DCHS2: variants seen among roughly 807,000 people sequenced by gnomAD.
The protein encoded by DCHS2 is dachsous cadherin-related 2.
A neutral mutation model predicts 182.4 loss-of-function variants in DCHS2; 142 were observed. The ratio of observed to expected loss-of-function variants is 0.78; its 90% CI spans 0.68 to 0.89. The LOEUF is 0.89. Among genes scored for constraint, DCHS2 ranks in the 40% least tolerant of loss-of-function variants. DCHS2 has a pLI of 0.00. For missense variants in DCHS2, 4,319 were observed against 4,198.6 expected (o/e 1.03, Z -0.79); for synonymous variants, 1,740 against 1,663.3 (o/e 1.05, Z -1.12).
chr4:154,457,558 C>A (rs772911775), intron 1 of DCHS2, among the ~76,000 whole-genome samples: 2 of 152,200 alleles, frequency 1.3e-5, no homozygotes, highest in Non-Finnish European at 2.9e-5. Flanking sequence ...CCAAAACAGC[C>A]ATGCAAATTT....
chr4:154,411,158 C>T (rs1732614707), intron 1 of DCHS2, among the ~76,000 whole-genome samples: 1 of 152,128 alleles, frequency 6.6e-6, no homozygotes, highest in Non-Finnish European at 1.5e-5. Flanking sequence ...TGCATGATCT[C>T]ACTTATATGC....
intron 1 of DCHS2, among the ~76,000 whole-genome samples, chr4:154,437,905 C>T (rs183869545): frequency 1.1e-4 from 17 of 152,238 alleles, no homozygotes; most frequent in African/African-American, 3.9e-4. Context: ...GGCATGATGG[C>T]TCATGCCTGT....
intron 14 of DCHS2, chr4:154,269,535 T>C (rs1304585426): frequency 5.8e-6 from 1 of 171,462 alleles, no homozygotes; most frequent in Non-Finnish European, 1.2e-5. Context: ...GAATCTCTGA[T>C]GAAAACTCCT....
chr4:154,308,066 A>C (rs1735520850), intron 10 of DCHS2, among the ~76,000 whole-genome samples: 1 of 152,106 alleles, frequency 6.6e-6, no homozygotes, highest in South Asian at 2.1e-4. Flanking sequence ...TTAGGCTTTT[A>C]TCTCCTCCTC....
At position 154,332,661 on chromosome 4, in the gene DCHS2, C is replaced by T; in HGVS notation, c.3547G>A (p.Asp1183Asn). ...AAGGTGGGGGAATTGTCATTCTCAT[C>T]CCAGACACGAACAATGACTGTAGTG... ...VSTTVIVRVW[D>N]ENDNSPTFLH... Residue 1183 changes from aspartate to asparagine, a missense_variant, in exon 5 of 20, where the codon GAT (aspartate) becomes AAT (asparagine). Coordinates refer to ENST00000357232, the MANE Select transcript of DCHS2 (RefSeq NM_001358235.2). The T allele has an allele frequency of 6.2e-7, 1 of 1,614,240 alleles. No individual in the cohort carries two copies. Among genetic ancestry groups the T allele is most frequent in the Non-Finnish European group, 8.5e-7 (1 of 1,180,046 alleles).
At chr4:154,453,444 A>G (rs2110981322) in intron 1 of DCHS2, among the ~76,000 whole-genome samples, 1 of 152,210 alleles carries the variant, frequency 6.6e-6, no homozygotes, top group East Asian at 1.9e-4. Context: ...TCTTCAGAGT[A>G]TCCAGCAGTT....
intron 1 of DCHS2, among the ~76,000 whole-genome samples, chr4:154,456,472 T>C (rs1317653399): frequency 6.6e-6 from 1 of 152,204 alleles, no homozygotes; most frequent in African/African-American, 2.4e-5. Context: ...CAGATGCTAA[T>C]GCAGATATGA....
At chr4:154,250,019 AAAAT>A (rs1354296159) in intron 16 of DCHS2, among the ~76,000 whole-genome samples, 1 of 152,184 alleles carries the variant, frequency 6.6e-6, no homozygotes, top group Non-Finnish European at 1.5e-5. Context: ...ATTTGAAATT[AAAAT>A]AAATAAATAA....
rs368533986 is a variant in DCHS2 at position 154,259,471 on chromosome 4, TTCTC to T, written c.6789+70_6789+73del. ...TTTTATGTACATTGACTTGTAATAA[TTCTC>T]TCTCTCTCTCTCACACAGACACACC... On this transcript the variant is annotated intron_variant, in intron 15 of 19. Transcript: ENST00000357232. The T allele has an allele frequency of 4.8e-4, 682 of 1,412,782 alleles. 1 individual carries two copies. The highest frequency in any genetic ancestry group is 3.4e-3 in the African/African-American group (239 of 69,390). The allele number at this position is 1,412,782 out of a possible 1,614,324, so 87.5% of individuals were successfully genotyped here.
chr4:154,297,299 C>T (rs1458023427), intron 13 of DCHS2, among the ~76,000 whole-genome samples: 2 of 152,150 alleles, frequency 1.3e-5, no homozygotes, highest in African/African-American at 4.8e-5. Flanking sequence ...GCCCTTCACA[C>T]GTTATATTTG....
intron 16 of DCHS2, among the ~76,000 whole-genome samples, chr4:154,246,593 AAC>A (rs1732082649): frequency 1.3e-5 from 2 of 152,208 alleles, no homozygotes; most frequent in Non-Finnish European, 2.9e-5. Context: ...ACCCAGTGGA[AAC>A]AGATATTGAA....
chr4:154,262,896 T>C (rs1733055389), intron 14 of DCHS2, among the ~76,000 whole-genome samples: 1 of 152,202 alleles, frequency 6.6e-6, no homozygotes, highest in African/African-American at 2.4e-5. Flanking sequence ...GCTCTAAAAT[T>C]GCTGCTGATT....
chr4:154,333,340 G>T lies in DCHS2; in HGVS notation c.2868C>A (p.Ser956Arg). Residue 956 changes from serine (S) to arginine (R), a missense_variant, in exon 5 of 20, where the codon AGC becomes AGA. Ser to Arg is a moderately radical substitution (Grantham distance 110). Coordinates refer to ENST00000357232, the MANE Select transcript of DCHS2 (RefSeq NM_001358235.2). ...VVLTVQAQLG[S>R]APACSSTEVN... The stretch of plus-strand genomic sequence containing the variant: ...CCTCGGTGCTGCTGCAGGCTGGGGC[G>T]CTGCCGAGCTGCGCCTGCACCGTGA... The T allele has an allele frequency of 6.2e-7, 1 of 1,614,090 alleles. No homozygotes were observed. The highest frequency in any genetic ancestry group is 8.5e-7 in the Non-Finnish European group (1 of 1,180,028).
Position 154,253,186 on chromosome 4 carries a change from A to AGTGT in DCHS2, c.6941+2332_6941+2333insACAC, listed in dbSNP as rs200345645. ...GGTGATGCTGGAGAGAGAGAGAGAG[A>AGTGT]GAGAGAGTGTGTGTGTGTGTGTGTT... On this transcript the variant is annotated intron_variant, in intron 16 of 19. Coordinates refer to ENST00000357232, the MANE Select transcript of DCHS2 (RefSeq NM_001358235.2). Among the ~76,000 whole-genome samples the AGTGT allele has an allele frequency of 8.6e-3, 1,224 of 142,272 alleles. 14 individuals carry two copies. The highest frequency in any genetic ancestry group is 0.035 in the African/African-American group (1,156 of 33,246). The allele number at this position is 142,272 out of a possible 152,430, so 93.3% of individuals were successfully genotyped here. A position where few individuals can be genotyped will look rare whatever the true frequency, so the allele number is the denominator to read the frequency against.
At chr4:154,460,895 A>C (rs1391603505) in intron 1 of DCHS2, among the ~76,000 whole-genome samples, 1 of 152,214 alleles carries the variant, frequency 6.6e-6, no homozygotes, top group Non-Finnish European at 1.5e-5. Context: ...TCTACAGAAC[A>C]TGTAAAAACC....
chr4:154,366,817 C>T (rs906266703), intron 2 of DCHS2, among the ~76,000 whole-genome samples: 6 of 152,032 alleles, frequency 3.9e-5, no homozygotes, highest in Non-Finnish European at 8.8e-5. Flanking sequence ...AGAGTAGAGG[C>T]CAAATACATT....
chr4:154,235,391 T>G lies in DCHS2; in HGVS notation c.9261A>C (p.Arg3087Ser), dbSNP rs1256090600. Residue 3087 changes from arginine (R) to serine (S), a missense_variant, in exon 20 of 20, where the codon AGA (arginine) becomes AGC (serine). Coordinates refer to ENST00000357232, the MANE Select transcript of DCHS2 (RefSeq NM_001358235.2). ...IMEKDIVNLY[R>S]HSNSSGHCSV... ...AACAGTGGCCACTGGAGTTTGAGTGTCTGTACAGATTGACAATATCCTTCT... is the reference window on the plus strand; with the variant it reads ...AACAGTGGCCACTGGAGTTTGAGTGGCTGTACAGATTGACAATATCCTTCT... The G allele has an allele frequency of 1.9e-6, 3 of 1,613,936 alleles. No homozygotes were observed. The highest frequency in any genetic ancestry group is 2.5e-6 in the Non-Finnish European group (3 of 1,179,976).
chr4:154,287,793 C>T (rs1405360568), intron 13 of DCHS2, among the ~76,000 whole-genome samples: 1 of 152,032 alleles, frequency 6.6e-6, no homozygotes, highest in Non-Finnish European at 1.5e-5. Flanking sequence ...AAAGTGTAGT[C>T]TTTATTAGTT....
chr4:154,382,845 T>C (rs530518579), intron 1 of DCHS2, among the ~76,000 whole-genome samples: 4 of 152,102 alleles, frequency 2.6e-5, no homozygotes, highest in African/African-American at 9.6e-5. Flanking sequence ...AGTCAAAAAA[T>C]AACAGATGCT....
Sources: allele counts gnomAD v4.1 joint callset (sites outside exome capture counted in the v4.1 genomes callset), GRCh38; gene constraint gnomAD v4.1.1; transcripts MANE v1.5; gene names NCBI Gene and HGNC (gene_info 2026-07-23, HGNC 2026-07-21).